HIRA: variants seen among roughly 807,000 people sequenced by gnomAD.
HIRA encodes the protein protein HIRA.
HIRA carries 13 observed loss-of-function variants against 126.6 expected under a neutral mutation model. The ratio of observed to expected loss-of-function variants is 0.10; its 90% CI spans 0.07 to 0.16. The LOEUF (loss-of-function observed/expected upper bound fraction) is 0.16, where lower values mean the gene tolerates loss of function less well. Ranked by LOEUF, HIRA falls within the 10% of genes least tolerant of loss-of-function variation. The pLI, the probability that HIRA is intolerant of heterozygous loss-of-function variation, is 1.00. For synonymous variants in HIRA, 511 were observed against 520.0 expected, an observed-to-expected ratio of 0.98 and a Z score of 0.24; for missense variants, 834 against 1,314.4, an observed-to-expected ratio of 0.63 and a Z score of 5.65.
chr22:19,413,746 G>C (rs958181861), intron 1 of HIRA, among the ~76,000 whole-genome samples: 3 of 151,878 alleles, frequency 2.0e-5, no homozygotes, highest in African/African-American at 7.3e-5. Context: ...TGAATAGCTG[G>C]GACTACAGGT....
rs1471492854 is a variant in HIRA, at chr22:19,351,826, G to T, written c.2849-380C>A. On this transcript the variant is annotated intron_variant, in intron 23 of 24. Coordinates refer to ENST00000263208, the MANE Select transcript of HIRA (RefSeq NM_003325.4). The surrounding 1 kb of genome is among the most constrained non-coding windows in gnomAD (Gnocchi z 4.8). ...GATGCGCTGGCAGCTGGTGTTGAGG[G>T]GAGGTCAGGAGGGTGGGACGGCCAG... Among the ~76,000 whole-genome samples the T allele has an allele frequency of 6.6e-6, 1 of 152,172 alleles. No individual in the cohort carries two copies. Among genetic ancestry groups the T allele is most frequent in the Non-Finnish European group, 1.5e-5 (1 of 68,038 alleles).
At chr22:19,416,128 G>A (rs2089395304) in intron 1 of HIRA, among the ~76,000 whole-genome samples, 2 of 152,094 alleles carry the variant, frequency 1.3e-5, no homozygotes, top group African/African-American at 4.8e-5. Context: ...CCATTCAATG[G>A]GGAAAGAACA....
chr22:19,335,322 G>A (rs1292396471), intron 24 of HIRA, among the ~76,000 whole-genome samples: 1 of 151,616 alleles, frequency 6.6e-6, no homozygotes, highest in Non-Finnish European at 1.5e-5. Context: ...TTGGCTCACT[G>A]CAACCTCTGC....
At chr22:19,372,697 G>C (rs1490477425) in intron 15 of HIRA, among the ~76,000 whole-genome samples, 1 of 151,312 alleles carries the variant, frequency 6.6e-6, no homozygotes, top group Non-Finnish European at 1.5e-5. Context: ...TCAGCCTACT[G>C]AGTAGCTGGG....
At chr22:19,333,776 A>G (rs1056771954) in intron 24 of HIRA, among the ~76,000 whole-genome samples, 2 of 152,032 alleles carry the variant, frequency 1.3e-5, no homozygotes, top group Non-Finnish European at 2.9e-5. Context: ...GCTTTTCTTC[A>G]TTCTATTTTC....
chr22:19,426,312 G>T (rs931579870), intron 1 of HIRA, among the ~76,000 whole-genome samples: 1 of 152,204 alleles, frequency 6.6e-6, no homozygotes, highest in Admixed American at 6.5e-5. Context: ...AGTTCAAGCT[G>T]CTGGCAAGGC....
In HIRA at chr22:19,354,137, G is replaced by A; in HGVS notation, c.2562-19C>T. 1.2e-6 allele frequency: 2 copies of A among 1,609,358 alleles called. No individual in the cohort carries two copies. Among genetic ancestry groups the A allele is most frequent in the Non-Finnish European group, 1.7e-6 (2 of 1,177,390 alleles). On this transcript the variant is annotated intron_variant, in intron 21 of 24. Coordinates refer to ENST00000263208, the MANE Select transcript of HIRA (RefSeq NM_003325.4). Reference sequence around the variant, plus strand: ...CAGGTTCCTGGGGAGGCAAAGGCAGGAGCAGAGCTCAGGAAAACCAAGAGA... The same window carrying A: ...CAGGTTCCTGGGGAGGCAAAGGCAGAAGCAGAGCTCAGGAAAACCAAGAGA...
intron 24 of HIRA, among the ~76,000 whole-genome samples, chr22:19,341,674 A>G (rs781891709): frequency 2.0e-5 from 3 of 152,190 alleles, no homozygotes; most frequent in Non-Finnish European, 4.4e-5. Flanking sequence ...GATCTTCAAC[A>G]AAGCAAACAA....
chr22:19,353,587 T>C (rs2088780831), intron 22 of HIRA, 68 bp from the exon 23 acceptor site: 2 of 1,465,186 alleles, frequency 1.4e-6, no homozygotes, highest in East Asian at 2.3e-5. Context: ...ACTGCCCCCG[T>C]GTGCAACAGG....
intron 12 of HIRA, among the ~76,000 whole-genome samples, chr22:19,384,903 C>T (rs1468295207): frequency 1.3e-5 from 2 of 152,026 alleles, no homozygotes; most frequent in Non-Finnish European, 2.9e-5. Flanking sequence ...ATCCGCCTGC[C>T]TCAGCCTCCC....
rs114614338 is a variant in HIRA, at chr22:19,359,813, C to T, written c.2086-329G>A. On this transcript the variant is annotated intron_variant, in intron 17 of 24. Transcript: ENST00000263208. The stretch of plus-strand genomic sequence containing the variant: ...GCCACTTCATCTCACAAGGGAGTAA[C>T]GTGCCCAAAAGCACACTGCAAAGGA... 9.2e-3 allele frequency among the ~76,000 whole-genome samples: 1,395 copies of T among 152,334 alleles called. 20 individuals carry two copies. Among genetic ancestry groups the T allele is most frequent in the African/African-American group, 0.031 (1,275 of 41,576 alleles).
rs1569306609 is a variant in HIRA, at chr22:19,396,892, G to A, written c.549C>T (p.Asp183=). Residue 183 remains aspartate, a synonymous_variant, in exon 7 of 25, where the codon GAC becomes GAT. Coordinates refer to ENST00000263208, the MANE Select transcript of HIRA (RefSeq NM_003325.4). The part of the protein sequence containing the change: ...HSGLVKGLTW[D]PVGKYIASQA... ...GAGAAGCTATGTATTTACCAACAGG[G>A]TCCCATGTCAACCCTTTGACCAAGC... 1.2e-6 allele frequency: 2 copies of A among 1,614,180 alleles called. No homozygotes were observed. The highest frequency in any genetic ancestry group is 1.1e-5 in the South Asian group (1 of 91,086).
At chr22:19,372,526 T>C (rs1288319899) in intron 15 of HIRA, among the ~76,000 whole-genome samples, 2 of 152,126 alleles carry the variant, frequency 1.3e-5, no homozygotes, top group Admixed American at 6.6e-5. Flanking sequence ...ATTCTGTAGG[T>C]TGTCTTTCAA....
At chr22:19,428,256 G>C (rs1176168218) in intron 1 of HIRA, among the ~76,000 whole-genome samples, 1 of 152,114 alleles carries the variant, frequency 6.6e-6, no homozygotes, top group Admixed American at 6.5e-5. Flanking sequence ...TTCTCAATTG[G>C]GGGTGATTTT....
intron 9 of HIRA, 61 bp from the exon 10 acceptor site, chr22:19,388,615 T>C: frequency 7.3e-7 from 1 of 1,362,190 alleles, no homozygotes; most frequent in Non-Finnish European, 1.0e-6. Flanking sequence ...TGTATTCAGC[T>C]CAGTTAACAT....
chr22:19,405,940 G>T, intron 4 of HIRA, 60 bp from the exon 5 acceptor site: 1 of 1,100,692 alleles, frequency 9.1e-7, no homozygotes, highest in Non-Finnish European at 1.2e-6. Context: ...GCATAGAAAT[G>T]CTCCCTGCAG....
At chr22:19,403,948 GT>G (rs1418160940) in intron 5 of HIRA, among the ~76,000 whole-genome samples, 1 of 152,076 alleles carries the variant, frequency 6.6e-6, no homozygotes, top group African/African-American at 2.4e-5. Flanking sequence ...AATTATGAAA[GT>G]TCCTATTTTC....
At chr22:19,396,464 T>C (rs906611592) in intron 7 of HIRA, among the ~76,000 whole-genome samples, 6 of 152,284 alleles carry the variant, frequency 3.9e-5, no homozygotes, top group Non-Finnish European at 8.8e-5. Context: ...TGCAGTGAGC[T>C]GAGATCGTGC....
rs1413643026 is a variant in HIRA at position 19,408,514 on chromosome 22, G to A, written c.180C>T (p.Pro60=). The A allele has an allele frequency of 6.2e-7, 1 of 1,612,970 alleles. No homozygotes were observed. The highest frequency in any genetic ancestry group is 8.5e-7 in the Non-Finnish European group (1 of 1,178,928). ...QEDDEKDENI[P]KMLCQMDNHL... ...GATTGTCCATCTGGCAAAGCATCTT[G>A]GGAATATTTTCATCCTTCTCGTCAT... The change falls in exon 3 of 25, where the codon CCC becomes CCT. Residue 60 remains proline, a synonymous_variant. Transcript: ENST00000263208.
Sources: gnomAD v4.1 joint callset for allele counts (sites outside exome capture counted in the v4.1 genomes callset) on GRCh38, gnomAD v4.1.1 for gene constraint, Gnocchi (gnomAD v3.1) non-coding constraint, MANE v1.5 for transcripts, NCBI Gene and HGNC (gene_info 2026-07-23, HGNC 2026-07-21) for gene names.